Variants in KCNK16 observed in about 807,000 individuals in gnomAD.
KCNK16 encodes potassium two pore domain channel subfamily K member 16, also known as potassium channel subfamily K member 16.
KCNK16 carries 23 observed loss-of-function variants against 23.0 expected under a neutral mutation model. The observed-to-expected ratio is 1.00, with a 90% CI of 0.72 to 1.41. KCNK16 has a LOEUF of 1.41. Ranked by LOEUF, KCNK16 falls within the 40% of genes most tolerant of loss-of-function variation. The pLI, the probability that KCNK16 is intolerant of heterozygous loss-of-function variation, is 0.00. For missense variants in KCNK16, 327 were observed against 365.8 expected, an observed-to-expected ratio of 0.89 and a Z score of 0.87; for synonymous variants, 145 against 153.5, an observed-to-expected ratio of 0.94 and a Z score of 0.41.
chr6:39,318,007 C>G (rs1762391588), intron 2 of KCNK16, 55 bp from the exon 3 acceptor site: 5 of 1,504,274 alleles, frequency 3.3e-6, no homozygotes, highest in Non-Finnish European at 4.5e-6. Flanking sequence ...GCCCTCTGCT[C>G]CTCTTCCCCA....
At chr6:39,320,921 T>C (rs1378371329) in intron 1 of KCNK16, among the ~76,000 whole-genome samples, 1 of 152,216 alleles carries the variant, frequency 6.6e-6, no homozygotes, top group Non-Finnish European at 1.5e-5. Flanking sequence ...TTCTCAACCC[T>C]GATGTGGTAC....
intron 1 of KCNK16, 24 bp downstream of exon 1, chr6:39,322,304 C>A: frequency 6.2e-7 from 1 of 1,602,524 alleles, no homozygotes; most frequent in Non-Finnish European, 8.5e-7. Context: ...CTCTCCATCC[C>A]AATCCCACAT....
At chr6:39,316,094 C>T, downstream of KCNK16, 1 of 1,376,574 alleles carries the variant, frequency 7.3e-7, no homozygotes, top group Non-Finnish European at 9.5e-7. Context: ...GGGAGAGCTC[C>T]TGAGACCAGC....
chr6:39,316,045 C>G, downstream of KCNK16: 1 of 952,872 alleles, frequency 1.0e-6, no homozygotes, highest in Middle Eastern at 3.5e-4. Context: ...CGTCTCCTCT[C>G]TGTTACTTTC....
chr6:39,322,081 T>A (rs1762533066), intron 1 of KCNK16, among the ~76,000 whole-genome samples: 1 of 152,216 alleles, frequency 6.6e-6, no homozygotes, highest in African/African-American at 2.4e-5. Context: ...TTATTCTTGT[T>A]GCCTTATAGA....
At chr6:39,322,195 CTCTGTTCCCACCACACTCT>C in intron 1 of KCNK16, 114 bp downstream of exon 1, 1 of 1,410,358 alleles carries the variant, frequency 7.1e-7, no homozygotes, top group Non-Finnish European at 9.4e-7. Flanking sequence ...TCACCAGGCT[CTCTGTTCCCACCACACTCT>C]TCTTCCAAAT....
In KCNK16 at chr6:39,317,965, G is replaced by T. The variant is rs373163887; in HGVS notation, c.329-13C>A. 1.9e-6 allele frequency: 3 copies of T among 1,591,132 alleles called. No homozygotes were observed. Among genetic ancestry groups the T allele is most frequent in the South Asian group, 2.3e-5 (2 of 88,220 alleles). On this transcript the variant is annotated splice_polypyrimidine_tract_variant and intron_variant, in intron 2 of 4. Coordinates refer to ENST00000437525, the MANE Select transcript of KCNK16 (RefSeq NM_001135106.2). ...AGGTTCCCATATCCTGCAAGGGAAG[G>T]GGGGCGTGTGCAAATATGGAGACTC...
Position 39,322,640 on chromosome 6 carries a change from G to T in KCNK16, c.-100C>A. On this transcript the variant is annotated 5_prime_UTR_variant, in exon 1 of 5. Transcript: ENST00000437525. ...CCTAGGGGCCTGTGCCCAGGCTGCC[G>T]CCTGCCCTGCCCTCCTCCTCGGCAC... 2 of 1,461,346 alleles carry T rather than the reference G, an allele frequency of 1.4e-6. No individual in the cohort carries two copies. The highest frequency in any genetic ancestry group is 1.8e-6 in the Non-Finnish European group (2 of 1,106,850). 90.5% of individuals were successfully genotyped at this position (1,461,346 alleles called of 1,614,324 possible).
At chr6:39,318,120 T>G (rs997222653) in intron 2 of KCNK16, among the ~76,000 whole-genome samples, 168 bp from the exon 3 acceptor site, 2 of 152,228 alleles carry the variant, frequency 1.3e-5, no homozygotes, top group Non-Finnish European at 1.5e-5. Context: ...ATAGGACTCC[T>G]GCTCATCTTT....
chr6:39,321,478 A>C (rs1378935096), intron 1 of KCNK16, among the ~76,000 whole-genome samples: 1 of 152,238 alleles, frequency 6.6e-6, no homozygotes, highest in Non-Finnish European at 1.5e-5. Context: ...TGAGTGGATC[A>C]TGATTGGATT....
intron 1 of KCNK16, 25 bp downstream of exon 1, chr6:39,322,303 C>T (rs1429880156): frequency 5.0e-6 from 8 of 1,602,290 alleles, no homozygotes; most frequent in Non-Finnish European, 6.8e-6. Flanking sequence ...CCTCTCCATC[C>T]CAATCCCACA....
intron 1 of KCNK16, 97 bp downstream of exon 1, chr6:39,322,231 T>A (rs1762538521): frequency 6.7e-7 from 1 of 1,502,534 alleles, no homozygotes; most frequent in Non-Finnish European, 8.9e-7. Context: ...AAATGGGGCA[T>A]CAGCTCCTGG....
intron 3 of KCNK16, 58 bp from the exon 4 acceptor site, chr6:39,317,005 G>A (rs1028872659): frequency 3.9e-6 from 6 of 1,533,618 alleles, no homozygotes; most frequent in East Asian, 2.3e-5. Flanking sequence ...ATTGTATGAG[G>A]TTGGGGGGAG....
At chr6:39,315,030 G>T (rs11756091), downstream of KCNK16, 818,288 of 1,608,750 alleles carry the variant, frequency 0.51, 213,657 homozygotes, top group African/African-American at 0.84. Context: ...CTTGGATATG[G>T]GGAAGTCCTG....
chr6:39,315,224 C>G, downstream of KCNK16: 1 of 1,613,364 alleles, frequency 6.2e-7, no homozygotes, highest in Non-Finnish European at 8.5e-7. Flanking sequence ...ATGGAGTGGT[C>G]TAAATCTCTC....
Position 39,319,239 on chromosome 6 carries a change from A to G in KCNK16, c.214-106T>C. The G allele has an allele frequency of 1.4e-6, 1 of 704,038 alleles. No homozygotes were observed. The highest frequency in any genetic ancestry group is 1.5e-5 in the South Asian group (1 of 65,752). 43.6% of individuals were successfully genotyped at this position (704,038 alleles called of 1,614,324 possible). A position where few individuals can be genotyped will look rare whatever the true frequency, so the allele number is the denominator to read the frequency against. ...TGCTTTTGTGTCATCTCATCTAATGATACTCTTAGATGATATTGTTCCCAT... is the reference window on the plus strand; with the variant it reads ...TGCTTTTGTGTCATCTCATCTAATGGTACTCTTAGATGATATTGTTCCCAT... On this transcript the variant is annotated intron_variant, in intron 1 of 4. Transcript: ENST00000437525. The surrounding 1 kb of genome is among the most constrained non-coding windows in gnomAD (Gnocchi z 4.2).
Position 39,317,920 on chromosome 6 carries a change from C to G in KCNK16, c.361G>C (p.Gly121Arg). The change falls in exon 3 of 5, where the codon GGT becomes CGT. Residue 121 changes from glycine to arginine, a missense_variant. By Grantham distance (125) the Gly-to-Arg change is moderately radical (BLOSUM62 -2). Coordinates refer to ENST00000437525, the MANE Select transcript of KCNK16 (RefSeq NM_001135106.2). ...GCATAGAAGACACAGAAGACCTGAC[C>G]TGCCTCTGTGCTGGGTGCCAGGTTC... ...YGNLAPSTEAGQVFCVFYALL... is the reference protein window; with the variant it reads ...YGNLAPSTEARQVFCVFYALL... 6.2e-7 allele frequency: 1 copy of G among 1,611,956 alleles called. No individual in the cohort carries two copies. The highest frequency in any genetic ancestry group is 8.5e-7 in the Non-Finnish European group (1 of 1,179,012).
intron 3 of KCNK16, among the ~76,000 whole-genome samples, chr6:39,317,249 T>C (rs985051052): frequency 2.0e-5 from 3 of 152,226 alleles, no homozygotes; most frequent in African/African-American, 7.2e-5. Flanking sequence ...AAAAGTATCA[T>C]TGAACTGTCT....
chr6:39,314,940 C>A, downstream of KCNK16: 1 of 1,486,252 alleles, frequency 6.7e-7, no homozygotes, highest in Non-Finnish European at 9.0e-7. Context: ...TGAGAAGGCC[C>A]CCGAAATCCC....
Sources: gnomAD v4.1 joint callset for allele counts (sites outside exome capture counted in the v4.1 genomes callset) on GRCh38, gnomAD v4.1.1 for gene constraint, Gnocchi (gnomAD v3.1) non-coding constraint, MANE v1.5 for transcripts, NCBI Gene and HGNC (gene_info 2026-07-23, HGNC 2026-07-21) for gene names.